Variants in BIRC6 observed in about 807,000 individuals in gnomAD.
BIRC6 encodes baculoviral IAP repeat containing 6.
In BIRC6, 98 loss-of-function variants were observed where a neutral mutation model predicts 503.3. The observed-to-expected ratio is 0.19, with a 90% CI of 0.17 to 0.23. BIRC6 has a LOEUF of 0.23. Among genes scored for constraint, BIRC6 ranks in the 10% least tolerant of loss-of-function variants. The pLI, the probability that BIRC6 is intolerant of heterozygous loss-of-function variation, is 1.00. For synonymous variants in BIRC6, 2,240 were observed against 2,078.7 expected, an observed-to-expected ratio of 1.08 and a Z score of -2.11; for missense variants, 5,360 against 5,806.0, an observed-to-expected ratio of 0.92 and a Z score of 2.50.
At chr2:32,511,201 CTTTTTTTTT>C in intron 53 of BIRC6, among the ~76,000 whole-genome samples, 2 of 48,582 alleles carry the variant, frequency 4.1e-5, no homozygotes, top group African/African-American at 1.8e-4. Context: ...CTTTTCTTTT[CTTTTTTTTT>C]TTTTTTTTTT....
chr2:32,425,404 G>A (rs1434792226), intron 10 of BIRC6, among the ~76,000 whole-genome samples: 2 of 149,790 alleles, frequency 1.3e-5, no homozygotes, highest in Non-Finnish European at 3.0e-5. Context: ...TCCAATATCT[G>A]GGCTTTCTCA....
intron 66 of BIRC6, 124 bp downstream of exon 66, chr2:32,575,490 T>G (rs2060201633): frequency 1.2e-6 from 1 of 864,794 alleles, no homozygotes; most frequent in East Asian, 2.6e-5. Context: ...CTCGGCTGGG[T>G]GCGGTGGCTC....
At chr2:32,405,106 G>A (rs1218708851) in intron 8 of BIRC6, among the ~76,000 whole-genome samples, 2 of 152,158 alleles carry the variant, frequency 1.3e-5, no homozygotes, top group African/African-American at 2.4e-5. Context: ...TCTTAGTACA[G>A]CAGGTTAATA....
intron 59 of BIRC6, among the ~76,000 whole-genome samples, chr2:32,526,158 C>T (rs576571223): frequency 1.1e-4 from 17 of 152,318 alleles, no homozygotes; most frequent in African/African-American, 3.6e-4. Context: ...CATCCGACCT[C>T]ATATGACGGT....
intron 65 of BIRC6, among the ~76,000 whole-genome samples, chr2:32,567,499 A>G (rs937828000): frequency 6.6e-6 from 1 of 152,216 alleles, no homozygotes; most frequent in South Asian, 2.1e-4. Flanking sequence ...GCAACTGAAG[A>G]ACTGAATTCT....
chr2:32,568,641 C>T (rs984335461), intron 65 of BIRC6, among the ~76,000 whole-genome samples: 5 of 151,780 alleles, frequency 3.3e-5, no homozygotes, highest in Admixed American at 1.3e-4. Context: ...ATCTGTAGTT[C>T]GAGACCAGCC....
At chr2:32,597,411 A>G (rs923486078) in intron 68 of BIRC6, among the ~76,000 whole-genome samples, 6 of 152,178 alleles carry the variant, frequency 3.9e-5, no homozygotes, top group Admixed American at 2.6e-4. Flanking sequence ...ATTTAATGAA[A>G]TCTTTGAGTT....
chr2:32,451,155 A>G (rs2046681348), intron 22 of BIRC6, among the ~76,000 whole-genome samples: 1 of 152,238 alleles, frequency 6.6e-6, no homozygotes, highest in Non-Finnish European at 1.5e-5. Flanking sequence ...ATTGAGTATG[A>G]TCTTTCAGTT....
At chr2:32,485,593 A>C in intron 39 of BIRC6, 50 bp from the exon 40 acceptor site, 2 of 1,205,940 alleles carry the variant, frequency 1.7e-6, no homozygotes, top group Non-Finnish European at 2.5e-6. Flanking sequence ...GAGGTAGGAC[A>C]TGAGTAATAA....
At chr2:32,366,597 G>C (rs1307875873) in intron 1 of BIRC6, among the ~76,000 whole-genome samples, 2 of 152,152 alleles carry the variant, frequency 1.3e-5, no homozygotes, top group African/African-American at 4.8e-5. Flanking sequence ...TAGTATGTAA[G>C]AACAGTGGGG....
intron 47 of BIRC6, among the ~76,000 whole-genome samples, chr2:32,502,266 CT>C (rs1035936395): frequency 6.6e-6 from 1 of 151,952 alleles, no homozygotes; most frequent in South Asian, 2.1e-4. Flanking sequence ...TATTCAGCTT[CT>C]TTTTTTTCCA....
chr2:32,509,111 A>G (rs2054121162), intron 51 of BIRC6, among the ~76,000 whole-genome samples: 2 of 151,966 alleles, frequency 1.3e-5, no homozygotes, highest in Admixed American at 1.3e-4. Flanking sequence ...AGGTGCTAAG[A>G]CTACACAGTT....
At chr2:32,545,297 T>TA (rs1472415232) in intron 62 of BIRC6, among the ~76,000 whole-genome samples, 1 of 152,208 alleles carries the variant, frequency 6.6e-6, no homozygotes, top group African/African-American at 2.4e-5. Flanking sequence ...GAAAAGCAGT[T>TA]ACTTTCTTAC....
At chr2:32,411,863 A>G (rs886287625) in intron 9 of BIRC6, among the ~76,000 whole-genome samples, 4 of 152,164 alleles carry the variant, frequency 2.6e-5, no homozygotes, top group Non-Finnish European at 2.9e-5. Flanking sequence ...ATAGAGACAG[A>G]TCAGTGGAAA....
At chr2:32,399,647 G>T (rs2040382253) in intron 6 of BIRC6, among the ~76,000 whole-genome samples, 2 of 152,118 alleles carry the variant, frequency 1.3e-5, no homozygotes, top group Admixed American at 1.3e-4. Context: ...TAACCAGAAA[G>T]AAATATAAAG....
At chr2:32,541,413 C>G (rs2057654596) in intron 61 of BIRC6, among the ~76,000 whole-genome samples, 2 of 152,210 alleles carry the variant, frequency 1.3e-5, no homozygotes, top group South Asian at 2.1e-4. Context: ...CGTAGATCAA[C>G]TTAAGACTGA....
chr2:32,389,031 A>G, intron 4 of BIRC6, 88 bp downstream of exon 4: 6 of 915,320 alleles, frequency 6.6e-6, no homozygotes, highest in Non-Finnish European at 8.8e-6. Flanking sequence ...TCTGGTTATG[A>G]TTTTTAAAAA....
Position 32,415,448 on chromosome 2 carries a change from C to G in BIRC6, c.2157C>G (p.Cys719Trp). 1.9e-6 allele frequency: 3 copies of G among 1,614,004 alleles called. No individual in the cohort carries two copies. The highest frequency in any genetic ancestry group is 2.5e-6 in the Non-Finnish European group (3 of 1,179,904). The change falls in exon 10 of 74, where the codon TGC becomes TGG. Residue 719 changes from cysteine to tryptophan, a missense_variant. By Grantham distance (215) the Cys-to-Trp change is radical. Transcript: ENST00000421745. ...VFPKPGTLVQ[C>W]LRLPKFAEEE... ...CCAAGCCTGGGACTTTGGTTCAGTG[C>G]TTGAGGCTGCCAAAGTTTGCAGAGG...
chr2:32,606,887 A>G (rs1377736718), intron 71 of BIRC6, among the ~76,000 whole-genome samples: 1 of 151,784 alleles, frequency 6.6e-6, no homozygotes, highest in African/African-American at 2.4e-5. Flanking sequence ...GGCATCTGTA[A>G]TCCCAGATTC....
Sources: allele counts gnomAD v4.1 joint callset (sites outside exome capture counted in the v4.1 genomes callset), GRCh38; gene constraint gnomAD v4.1.1; transcripts MANE v1.5; gene names NCBI Gene and HGNC (gene_info 2026-07-23, HGNC 2026-07-21).